MAGEC3: variants seen among roughly 807,000 people sequenced by gnomAD.
The protein encoded by MAGEC3 is MAGE family member C3.
Under a neutral mutation model 35.3 loss-of-function variants are expected in MAGEC3, and 34 were observed. That is an observed-to-expected ratio of 0.96 (90% CI 0.73 to 1.28). MAGEC3 has a LOEUF of 1.28. Among genes scored for constraint, MAGEC3 ranks in the 50% most tolerant of loss-of-function variants. The pLI is 0.00. For missense variants in MAGEC3, 561 were observed against 483.6 expected (o/e 1.16, Z -1.50); for synonymous variants, 202 against 185.6 (o/e 1.09, Z -0.72).
chrX:141,853,330 G>C (rs765257566), intron 1 of MAGEC3, among the ~76,000 whole-genome samples: 2 of 111,176 alleles, frequency 1.8e-5, no homozygotes, highest in East Asian at 5.7e-4. Flanking sequence ...TATTCCCTTT[G>C]ATATAGCCTG....
intron 4 of MAGEC3, among the ~76,000 whole-genome samples, chrX:141,892,066 T>C (rs1026839680): frequency 9.0e-6 from 1 of 110,904 alleles, no homozygotes; most frequent in African/African-American, 3.3e-5. Flanking sequence ...GCCTGGAATA[T>C]AACTTTTCAT....
chrX:141,857,248 G>C (rs1284905657), intron 1 of MAGEC3, among the ~76,000 whole-genome samples: 1 of 110,252 alleles, frequency 9.1e-6, no homozygotes, highest in Non-Finnish European at 1.9e-5. Flanking sequence ...TCCAGAAATA[G>C]ATCTGCTTAT....
intron 1 of MAGEC3, among the ~76,000 whole-genome samples, chrX:141,845,759 T>C (rs992502962): frequency 1.8e-5 from 2 of 110,998 alleles, no homozygotes; most frequent in Non-Finnish European, 3.8e-5. Flanking sequence ...TAAGCTCTTA[T>C]AGGGGAGAAA....
rs1212774883 is a variant in MAGEC3, at chrX:141,881,799, G to T, written c.909+3G>T. The T allele has an allele frequency of 8.3e-7, 1 of 1,211,446 alleles. No homozygotes were observed. ...GGGAAGTGCTGAATGCAATAGGGGT[G>T]TGTGCTCAGAGGGAGCATTTCGTCT... On this transcript the variant is annotated splice_donor_region_variant and intron_variant, in intron 4 of 7. Coordinates refer to ENST00000298296, the MANE Select transcript of MAGEC3 (RefSeq NM_138702.1).
In MAGEC3 at chrX:141,861,909, C is replaced by G. The variant is rs569479495; in HGVS notation, c.124-3562C>G. ...ATGGCTAAGATTTCAAAAGCAAATGCAACAAACACAAAAATAGGCAAATGG... is the reference window on the plus strand; with the variant it reads ...ATGGCTAAGATTTCAAAAGCAAATGGAACAAACACAAAAATAGGCAAATGG... On this transcript the variant is annotated intron_variant, in intron 1 of 7. Transcript: ENST00000298296. 1.2e-4 allele frequency among the ~76,000 whole-genome samples: 13 copies of G among 111,672 alleles called. 1 individual carries two copies. In the South Asian group the frequency reaches 4.5e-3, roughly 39 times the overall value.
rs752119740 is a variant in MAGEC3 at position 141,897,313 on chromosome X, G to A, written c.1555G>A (p.Asp519Asn). The A allele has an allele frequency of 4.1e-6, 5 of 1,209,979 alleles. No individual in the cohort carries two copies. The highest frequency in any genetic ancestry group is 1.7e-5 in the African/African-American group (1 of 57,216). The stretch of plus-strand genomic sequence containing the variant: ...CATTGCCCTGACTGATATGGACCCC[G>A]ACAACCACTCCTATTTCTTTGAAGA... The part of the protein sequence containing the change: ...FGIALTDMDP[D>N]NHSYFFEDTL... Residue 519 changes from aspartate (D) to asparagine (N), a missense_variant, in exon 7 of 8, where the codon GAC becomes AAC. By Grantham distance (23) the Asp-to-Asn change is conservative (BLOSUM62 1). Coordinates refer to ENST00000298296, the MANE Select transcript of MAGEC3 (RefSeq NM_138702.1).
chrX:141,862,714 T>C (rs1292615486), intron 1 of MAGEC3, among the ~76,000 whole-genome samples: 1 of 112,411 alleles, frequency 8.9e-6, no homozygotes, highest in Non-Finnish European at 1.9e-5. Flanking sequence ...TACTCATATG[T>C]GTGAGATAAA....
At chrX:141,894,234 T>C (rs1200229891) in intron 4 of MAGEC3, among the ~76,000 whole-genome samples, 1 of 112,310 alleles carries the variant, frequency 8.9e-6, no homozygotes, top group Non-Finnish European at 1.9e-5. Context: ...TTCGTAGATA[T>C]GGAACTCCAC....
intron 2 of MAGEC3, among the ~76,000 whole-genome samples, chrX:141,867,581 C>T (rs758493182): frequency 8.9e-5 from 10 of 111,908 alleles, no homozygotes; most frequent in Non-Finnish European, 1.5e-4. Context: ...AAACCCCTCT[C>T]GGGTGTATTT....
intron 1 of MAGEC3, among the ~76,000 whole-genome samples, chrX:141,845,483 C>T (rs1346610642): frequency 9.0e-6 from 1 of 110,767 alleles, no homozygotes; most frequent in Non-Finnish European, 1.9e-5. Flanking sequence ...CAGCTCCAGT[C>T]GTATTTTTAA....
chrX:141,896,666 C>T lies in MAGEC3; in HGVS notation c.1124-216C>T, dbSNP rs757249818. 2.5e-6 allele frequency: 3 copies of T among 1,208,275 alleles called. No individual in the cohort carries two copies. The Admixed American group carries it at 6.6e-5, about 26-fold the overall frequency. On this transcript the variant is annotated intron_variant, in intron 6 of 7. Coordinates refer to ENST00000298296, the MANE Select transcript of MAGEC3 (RefSeq NM_138702.1). Reference sequence around the variant, plus strand: ...ACAACAGGCCTCATGCCTCTCTTTCCAAACCTTCCACGCCTCAGCTTTGAG... The same window carrying T: ...ACAACAGGCCTCATGCCTCTCTTTCTAAACCTTCCACGCCTCAGCTTTGAG...
intron 4 of MAGEC3, among the ~76,000 whole-genome samples, chrX:141,889,379 T>G (rs930120574): frequency 8.9e-6 from 1 of 111,808 alleles, no homozygotes; most frequent in Non-Finnish European, 1.9e-5. Context: ...TTGCTTCCTA[T>G]TCCCATGACA....
chrX:141,870,450 C>A (rs1199597754), intron 2 of MAGEC3, among the ~76,000 whole-genome samples: 4 of 110,307 alleles, frequency 3.6e-5, no homozygotes, highest in African/African-American at 9.9e-5. Context: ...AGAAAAAAAA[C>A]CCATATAATA....
chrX:141,838,488 C>T, intron 1 of MAGEC3, 50 bp downstream of exon 1: 1 of 1,181,175 alleles, frequency 8.5e-7, no homozygotes, highest in Non-Finnish European at 1.1e-6. Flanking sequence ...TAACAGCCAG[C>T]TCTTCTTTTG....
intron 4 of MAGEC3, among the ~76,000 whole-genome samples, chrX:141,891,697 T>G (rs867498736): frequency 9.7e-6 from 1 of 103,429 alleles, no homozygotes; most frequent in Non-Finnish European, 2.0e-5. Context: ...ATATATATAT[T>G]TATATATGCA....
At chrX:141,843,562 A>G (rs1451825830) in intron 1 of MAGEC3, among the ~76,000 whole-genome samples, 1 of 111,184 alleles carries the variant, frequency 9.0e-6, no homozygotes, top group Non-Finnish European at 1.9e-5. Context: ...CCTTCAAACT[A>G]TATATCACCC....
chrX:141,870,387 G>T (rs1323553234), intron 2 of MAGEC3, among the ~76,000 whole-genome samples: 1 of 111,262 alleles, frequency 9.0e-6, no homozygotes, highest in East Asian at 2.8e-4. Flanking sequence ...CTAAAGAGTA[G>T]ATTAGCATTT....
At chrX:141,839,878 A>T in intron 1 of MAGEC3, 6 of 462,887 alleles carry the variant, frequency 1.3e-5, no homozygotes, top group Non-Finnish European at 1.3e-5. Flanking sequence ...AAGCAGAGAC[A>T]GAGATGCTTC....
intron 2 of MAGEC3, among the ~76,000 whole-genome samples, chrX:141,870,793 A>G (rs1335070318): frequency 2.7e-5 from 3 of 111,922 alleles, no homozygotes; most frequent in African/African-American, 6.5e-5. Context: ...TTTTTCCAGC[A>G]TAGTTAGGGG....
Sources: allele counts gnomAD v4.1 joint callset (sites outside exome capture counted in the v4.1 genomes callset), GRCh38; gene constraint gnomAD v4.1.1; transcripts MANE v1.5; gene names NCBI Gene and HGNC (gene_info 2026-07-23, HGNC 2026-07-21).